The following MAP3K5 variants were observed in gnomAD, a reference collection of about 807,000 sequenced individuals.
MAP3K5 encodes ASK-1.
A neutral mutation model predicts 158.7 loss-of-function variants in MAP3K5; 56 were observed. That is an observed-to-expected ratio of 0.35 (90% CI 0.28 to 0.44). The LOEUF (loss-of-function observed/expected upper bound fraction) is 0.44. Ranked by LOEUF, MAP3K5 falls within the 20% of genes least tolerant of loss-of-function variation. MAP3K5 has a pLI of 1.00. For missense variants in MAP3K5, 1,294 were observed against 1,674.8 expected (o/e 0.77, Z 3.97); for synonymous variants, 579 against 601.7 (o/e 0.96, Z 0.55).
chr6:136,752,790 ACAGAGCTGTGAAAGGG>A (rs1783275205), intron 1 of MAP3K5, among the ~76,000 whole-genome samples: 1 of 152,232 alleles, frequency 6.6e-6, no homozygotes, highest in Admixed American at 6.5e-5. Flanking sequence ...ATGCAAAAGC[ACAGAGCTGTGAAAGGG>A]CAGAAGTTCA....
At chr6:136,587,392 T>C (rs1775186026) in intron 23 of MAP3K5, among the ~76,000 whole-genome samples, 1 of 152,254 alleles carries the variant, frequency 6.6e-6, no homozygotes, top group South Asian at 2.1e-4. Flanking sequence ...TTTTCTGTTA[T>C]GATTTAAATC....
At chr6:136,631,640 C>T (rs1777360539) in intron 14 of MAP3K5, among the ~76,000 whole-genome samples, 2 of 151,782 alleles carry the variant, frequency 1.3e-5, no homozygotes, top group African/African-American at 2.4e-5. Flanking sequence ...GGATTGGAGG[C>T]CTTCTCCCAT....
chr6:136,568,926 A>T (rs1199857269), intron 25 of MAP3K5, among the ~76,000 whole-genome samples: 1 of 151,300 alleles, frequency 6.6e-6, no homozygotes, highest in East Asian at 1.9e-4. Flanking sequence ...AAGCCCCCCA[A>T]CTGACTGAAG....
chr6:136,693,798 T>G (rs1037280865), intron 7 of MAP3K5, among the ~76,000 whole-genome samples: 1 of 152,130 alleles, frequency 6.6e-6, no homozygotes, highest in Non-Finnish European at 1.5e-5. Flanking sequence ...AAGACCAGCC[T>G]GGCCAACAGG....
intron 14 of MAP3K5, among the ~76,000 whole-genome samples, chr6:136,625,448 T>G (rs971026444): frequency 6.6e-6 from 1 of 152,134 alleles, no homozygotes; most frequent in Non-Finnish European, 1.5e-5. Flanking sequence ...ACCAGGCCCT[T>G]GGTGAAAGGG....
intron 7 of MAP3K5, among the ~76,000 whole-genome samples, chr6:136,686,142 T>C (rs542277034): frequency 4.6e-4 from 70 of 152,282 alleles, no homozygotes; most frequent in African/African-American, 1.6e-3. Context: ...TATGGATAGG[T>C]CCTCTACAGT....
chr6:136,664,116 C>A (rs1264310070), intron 8 of MAP3K5, among the ~76,000 whole-genome samples: 1 of 152,166 alleles, frequency 6.6e-6, no homozygotes, highest in Non-Finnish European at 1.5e-5. Flanking sequence ...TATTTACAGC[C>A]ATTCCCCATT....
chr6:136,564,548 T>G (rs1411065004), intron 26 of MAP3K5, among the ~76,000 whole-genome samples: 1 of 152,202 alleles, frequency 6.6e-6, no homozygotes, highest in East Asian at 1.9e-4. Flanking sequence ...GTTGGCAGTT[T>G]TTTGATCTGG....
intron 1 of MAP3K5, among the ~76,000 whole-genome samples, chr6:136,747,342 TC>T (rs1039656663): frequency 3.9e-5 from 6 of 152,232 alleles, no homozygotes; most frequent in African/African-American, 1.4e-4. Context: ...ACATCTCTGG[TC>T]CCTTCATAGG....
chr6:136,684,589 AT>A, intron 7 of MAP3K5, among the ~76,000 whole-genome samples: 1 of 152,168 alleles, frequency 6.6e-6, no homozygotes, highest in East Asian at 1.9e-4. Context: ...CAGAAACTTG[AT>A]GGCTGTTTTT....
intron 14 of MAP3K5, among the ~76,000 whole-genome samples, chr6:136,627,387 C>A (rs1025648366): frequency 6.6e-6 from 1 of 152,222 alleles, no homozygotes; most frequent in Non-Finnish European, 1.5e-5. Context: ...TCCACATGAA[C>A]TTTCCATGTC....
intron 1 of MAP3K5, among the ~76,000 whole-genome samples, chr6:136,748,705 T>C (rs991138590): frequency 6.6e-6 from 1 of 152,204 alleles, no homozygotes; most frequent in African/African-American, 2.4e-5. Context: ...GAATTAAAAC[T>C]TGAAGGCAAG....
chr6:136,679,652 T>C (rs1779849109), intron 7 of MAP3K5, among the ~76,000 whole-genome samples: 1 of 152,216 alleles, frequency 6.6e-6, no homozygotes, highest in Non-Finnish European at 1.5e-5. Context: ...AAGTTCTAAC[T>C]GTGTTTTTCC....
chr6:136,760,086 A>T (rs1200630524), intron 1 of MAP3K5, among the ~76,000 whole-genome samples: 1 of 152,208 alleles, frequency 6.6e-6, no homozygotes, highest in African/African-American at 2.4e-5. Flanking sequence ...GCAGGACAGA[A>T]TGCACATTGC....
At chr6:136,558,551 A>G (rs1830355232) in intron 29 of MAP3K5, among the ~76,000 whole-genome samples, 1 of 152,178 alleles carries the variant, frequency 6.6e-6, no homozygotes, top group Non-Finnish European at 1.5e-5. Context: ...ATCTGCATGG[A>G]CTTAGTCTGC....
chr6:136,767,066 A>G (rs1783997087), intron 1 of MAP3K5, among the ~76,000 whole-genome samples: 2 of 152,228 alleles, frequency 1.3e-5, no homozygotes. Flanking sequence ...ATATATGTAT[A>G]TATATTTGCA....
intron 2 of MAP3K5, among the ~76,000 whole-genome samples, chr6:136,711,468 C>A (rs1293751258): frequency 1.3e-5 from 2 of 152,002 alleles, no homozygotes; most frequent in East Asian, 3.9e-4. Context: ...AGTTTGAGAC[C>A]AGCCTGGGAA....
rs748948898 is a variant in MAP3K5, at chr6:136,694,246, C to G, written c.1147G>C (p.Gly383Arg). The G allele has an allele frequency of 1.7e-5, 27 of 1,613,504 alleles. No homozygotes were observed. The South Asian group carries it at 2.7e-4, about 16-fold the overall frequency. Residue 383 changes from glycine to arginine, a missense_variant, in exon 7 of 30, where the codon GGA becomes CGA. Gly to Arg is a moderately radical substitution (Grantham distance 125). Coordinates refer to ENST00000359015, the MANE Select transcript of MAP3K5 (RefSeq NM_005923.4). The part of the protein sequence containing the change: ...DIMIPMVQSE[G>R]QVASDMYCLV... ...CAATACATATCTGAAGCAACTTGTC[C>G]TTCGCTTTGCACCATGGGAATCATA...
chr6:136,637,250 C>T, intron 14 of MAP3K5, 75 bp downstream of exon 14: 5 of 1,330,406 alleles, frequency 3.8e-6, no homozygotes, highest in Non-Finnish European at 4.3e-6. Context: ...TACACCCTGC[C>T]TCCTGCCTCA....
Sources: gnomAD v4.1 joint callset for allele counts (sites outside exome capture counted in the v4.1 genomes callset) on GRCh38, gnomAD v4.1.1 for gene constraint, MANE v1.5 for transcripts, NCBI Gene and HGNC (gene_info 2026-07-23, HGNC 2026-07-21) for gene names.